SLC25A21: variants seen among roughly 807,000 people sequenced by gnomAD.
The protein encoded by SLC25A21 is mitochondrial 2-oxodicarboxylate carrier.
In SLC25A21, 47 loss-of-function variants were observed where a neutral mutation model predicts 43.8. The ratio of observed to expected loss-of-function variants is 1.07; its 90% confidence interval spans 0.85 to 1.37. The LOEUF (loss-of-function observed/expected upper bound fraction) is 1.37. Ranked by LOEUF, SLC25A21 falls within the 40% of genes most tolerant of loss-of-function variation. SLC25A21 has a pLI of 0.00. For missense variants in SLC25A21, 352 were observed against 350.2 expected, an observed-to-expected ratio of 1.00 and a Z score of -0.04; for synonymous variants, 131 against 121.3, an observed-to-expected ratio of 1.08 and a Z score of -0.52.
intron 3 of SLC25A21, among the ~76,000 whole-genome samples, chr14:36,749,892 C>T (rs1885639317): frequency 6.6e-6 from 1 of 152,188 alleles, no homozygotes; most frequent in Admixed American, 6.5e-5. Context: ...TATTTTTCTT[C>T]ATAGAATGGA....
intron 2 of SLC25A21, 60 bp from the exon 3 acceptor site, chr14:36,814,061 A>G: frequency 1.7e-6 from 2 of 1,152,010 alleles, no homozygotes; most frequent in Non-Finnish European, 1.3e-6. Flanking sequence ...GGCTTTTCTC[A>G]TTTTTTAAAG....
chr14:36,948,386 A>G (rs1199039321), intron 1 of SLC25A21, among the ~76,000 whole-genome samples: 1 of 152,194 alleles, frequency 6.6e-6, no homozygotes, highest in Non-Finnish European at 1.5e-5. Flanking sequence ...CTGCAGGCAT[A>G]AGTTATAAAT....
intron 3 of SLC25A21, among the ~76,000 whole-genome samples, chr14:36,739,416 A>G (rs1885163670): frequency 6.6e-6 from 1 of 152,156 alleles, no homozygotes; most frequent in Non-Finnish European, 1.5e-5. Context: ...AGTAGCTCAC[A>G]CCTGTAATCC....
rs144234882 is a variant in SLC25A21 at position 36,762,093 on chromosome 14, T to C, written c.204-27520A>G. Among the ~76,000 whole-genome samples the C allele has an allele frequency of 1.6e-3, 239 of 152,284 alleles. 1 individual carries two copies. Among genetic ancestry groups the C allele is most frequent in the Admixed American group, 3.9e-3 (59 of 15,304 alleles). Reference sequence around the variant, plus strand: ...AGCAGGTACCATGCAGGGATAAACATAGCGAAGGCAACACCACCAATGCTA... The same window carrying C: ...AGCAGGTACCATGCAGGGATAAACACAGCGAAGGCAACACCACCAATGCTA... On this transcript the variant is annotated intron_variant, in intron 3 of 9. Coordinates refer to ENST00000331299, the MANE Select transcript of SLC25A21 (RefSeq NM_030631.4).
intron 7 of SLC25A21, among the ~76,000 whole-genome samples, chr14:36,707,415 G>A (rs1045656638): frequency 6.6e-6 from 1 of 152,150 alleles, no homozygotes; most frequent in African/African-American, 2.4e-5. Flanking sequence ...AATGATGACT[G>A]AAAGCCAGGA....
At chr14:36,764,641 T>G (rs1172022978) in intron 3 of SLC25A21, among the ~76,000 whole-genome samples, 1 of 142,472 alleles carries the variant, frequency 7.0e-6, no homozygotes, top group Non-Finnish European at 1.5e-5. Flanking sequence ...AAACCACGCA[T>G]GCCCACATAC....
intron 1 of SLC25A21, among the ~76,000 whole-genome samples, chr14:37,066,525 T>A (rs1962063977): frequency 6.6e-6 from 1 of 152,166 alleles, no homozygotes; most frequent in Non-Finnish European, 1.5e-5. Flanking sequence ...AATTAAAATT[T>A]ACCATGCAAA....
intron 1 of SLC25A21, among the ~76,000 whole-genome samples, chr14:37,040,433 A>AAGAAAGAAAGAAAGAG (rs1555343498): frequency 5.3e-4 from 55 of 104,240 alleles, no homozygotes; most frequent in Non-Finnish European, 8.8e-4. Flanking sequence ...GAAAGAAAGA[A>AAGAAAGAAAGAAAGAG]AGAAAGAAAA....
At chr14:37,086,582 A>C (rs1052846031) in intron 1 of SLC25A21, among the ~76,000 whole-genome samples, 1 of 152,222 alleles carries the variant, frequency 6.6e-6, no homozygotes, top group Admixed American at 6.5e-5. Flanking sequence ...GAATCTGCAG[A>C]TAGAATGCCC....
At chr14:37,113,512 G>T (rs1187440266) in intron 1 of SLC25A21, among the ~76,000 whole-genome samples, 1 of 152,066 alleles carries the variant, frequency 6.6e-6, no homozygotes, top group African/African-American at 2.4e-5. Context: ...CTTTTCTCCA[G>T]TATTTTTAGA....
intron 1 of SLC25A21, among the ~76,000 whole-genome samples, chr14:36,919,463 C>A (rs1891917143): frequency 6.6e-6 from 1 of 151,902 alleles, no homozygotes; most frequent in Non-Finnish European, 1.5e-5. Context: ...AATATTGCTC[C>A]AGGGTCAGAA....
intron 1 of SLC25A21, among the ~76,000 whole-genome samples, chr14:37,111,956 T>C (rs1414832519): frequency 6.6e-6 from 1 of 152,200 alleles, no homozygotes; most frequent in East Asian, 1.9e-4. Flanking sequence ...AAATTAACTG[T>C]TCATTCAATA....
intron 2 of SLC25A21, among the ~76,000 whole-genome samples, chr14:36,844,871 C>T (rs1889494602): frequency 6.6e-6 from 1 of 152,206 alleles, no homozygotes; most frequent in East Asian, 1.9e-4. Flanking sequence ...AGTTTCCTTA[C>T]AGAATCTCTC....
intron 2 of SLC25A21, among the ~76,000 whole-genome samples, chr14:36,842,962 T>C (rs549435564): frequency 6.6e-6 from 1 of 152,278 alleles, no homozygotes; most frequent in Non-Finnish European, 1.5e-5. Context: ...CTGTTCCATC[T>C]CAGATCATCA....
rs954813889 is a variant in SLC25A21, at chr14:36,679,000, T to C, written c.*1658A>G. ...CATATTTCCTCTATCTCATAGATGG[T>C]AAAAGTGTTGCTTTTAAACTGGCAA... On this transcript the variant is annotated 3_prime_UTR_variant, in exon 10 of 10. Coordinates refer to ENST00000331299, the MANE Select transcript of SLC25A21 (RefSeq NM_030631.4). 10 of 947,540 alleles carry C rather than the reference T, an allele frequency of 1.1e-5. No individual in the cohort carries two copies. The African/African-American group carries it at 1.8e-4, about 17-fold the overall frequency. The allele number at this position is 947,540 out of a possible 1,614,324, so 58.7% of individuals were successfully genotyped here.
intron 1 of SLC25A21, among the ~76,000 whole-genome samples, chr14:36,892,803 G>GT (rs911319698): frequency 6.6e-6 from 1 of 152,006 alleles, no homozygotes; most frequent in African/African-American, 2.4e-5. Flanking sequence ...GCGGTGTTTG[G>GT]TTTTTTGTCC....
intron 1 of SLC25A21, among the ~76,000 whole-genome samples, chr14:37,019,881 G>A (rs533117791): frequency 1.3e-5 from 2 of 151,864 alleles, no homozygotes; most frequent in East Asian, 3.9e-4. Context: ...AATTAAAGAT[G>A]TAAGATATAG....
chr14:36,735,826 T>C (rs1050596012), intron 3 of SLC25A21, among the ~76,000 whole-genome samples: 9 of 151,636 alleles, frequency 5.9e-5, no homozygotes, highest in Non-Finnish European at 8.8e-5. Context: ...TTTTTTTTTT[T>C]TTTTGTATAT....
chr14:36,702,345 A>T (rs1883309723), intron 7 of SLC25A21, among the ~76,000 whole-genome samples: 1 of 151,830 alleles, frequency 6.6e-6, no homozygotes, highest in Non-Finnish European at 1.5e-5. Flanking sequence ...TGTTTCCAAA[A>T]AAGACCTTTC....
Sources: allele counts gnomAD v4.1 joint callset (sites outside exome capture counted in the v4.1 genomes callset), GRCh38; gene constraint gnomAD v4.1.1; transcripts MANE v1.5; gene names NCBI Gene and HGNC (gene_info 2026-07-23, HGNC 2026-07-21).